ARHGDIB: variants seen among roughly 807,000 people sequenced by gnomAD.
ARHGDIB encodes the protein Rho GDP dissociation inhibitor beta.
In ARHGDIB, 20 loss-of-function variants were observed where a neutral mutation model predicts 22.6. The observed-to-expected ratio is 0.88, with a 90% CI of 0.62 to 1.28. ARHGDIB has a LOEUF of 1.28. Among genes scored for constraint, ARHGDIB ranks in the 50% most tolerant of loss-of-function variants. The probability of loss-of-function intolerance (pLI) is 0.00; values close to 1 mark genes in which losing one functional copy is unlikely to be tolerated. For missense variants in ARHGDIB, 254 were observed against 245.4 expected (o/e 1.04, Z -0.23); for synonymous variants, 114 against 96.1 (o/e 1.19, Z -1.09).
chr12:14,949,711 C>A, intron 3 of ARHGDIB, 91 bp downstream of exon 3: 1 of 1,123,610 alleles, frequency 8.9e-7, no homozygotes, highest in Non-Finnish European at 1.4e-6. Flanking sequence ...TCTGATTCAC[C>A]AGTTTTCTTC....
intron 1 of ARHGDIB, among the ~76,000 whole-genome samples, chr12:14,954,257 G>A (rs192598493): frequency 6.6e-6 from 1 of 152,320 alleles, no homozygotes; most frequent in African/African-American, 2.4e-5. Flanking sequence ...GGGATTACAG[G>A]TGCCTGGGCA....
intron 1 of ARHGDIB, among the ~76,000 whole-genome samples, chr12:14,952,748 G>A (rs1396172352): frequency 6.6e-6 from 1 of 152,194 alleles, no homozygotes; most frequent in Non-Finnish European, 1.5e-5. Context: ...TAACAAACCT[G>A]CTGACCGAGC....
In ARHGDIB at chr12:14,947,953, T is replaced by A; in HGVS notation, c.266-4A>T. On this transcript the variant is annotated splice_region_variant and splice_polypyrimidine_tract_variant and intron_variant, in intron 3 of 5. Transcript: ENST00000228945. Reference sequence around the variant, plus strand: ...TTTTTGAGGGCTTCCAGATCTCCTGTAGAAGAAGATTTAGAGAGAGTTTAT... The same window carrying A: ...TTTTTGAGGGCTTCCAGATCTCCTGAAGAAGAAGATTTAGAGAGAGTTTAT... The A allele has an allele frequency of 6.2e-7, 1 of 1,606,292 alleles. No homozygotes were observed. The highest frequency in any genetic ancestry group is 8.5e-7 in the Non-Finnish European group (1 of 1,172,822).
At chr12:14,950,745 C>G in intron 1 of ARHGDIB, 21 bp from the exon 2 acceptor site, 1 of 1,562,978 alleles carries the variant, frequency 6.4e-7, no homozygotes, top group South Asian at 1.2e-5. Flanking sequence ...GAATGACAGC[C>G]CGTTAGTCAA....
At position 14,942,471 on chromosome 12, in the gene ARHGDIB, G is replaced by A. The variant is rs912169682; in HGVS notation, c.*51C>T. The A allele has an allele frequency of 1.2e-5, 19 of 1,595,394 alleles. No homozygotes were observed. The highest frequency in any genetic ancestry group is 2.2e-5 in the East Asian group (1 of 44,780). Reference sequence around the variant, plus strand: ...GGAGGAGGGACAGGGTGCTGAACACGCCTGAGAGAATTCTTCCAGGTGGCA... The same window carrying A: ...GGAGGAGGGACAGGGTGCTGAACACACCTGAGAGAATTCTTCCAGGTGGCA... On this transcript the variant is annotated 3_prime_UTR_variant, in exon 6 of 6. Transcript: ENST00000228945.
chr12:14,942,228 G>A lies in ARHGDIB; in HGVS notation c.*294C>T, dbSNP rs921. On this transcript the variant is annotated 3_prime_UTR_variant, in exon 6 of 6. Coordinates refer to ENST00000228945, the MANE Select transcript of ARHGDIB (RefSeq NM_001175.7). ...TAATTTGCCCATTTTCTGGCCTCTA[G>A]TTGCTTGAATAGGGGTAAGACAGGG... The A allele has an allele frequency of 0.086, 30,500 of 355,098 alleles. 1,762 individuals are homozygous for A. The highest frequency in any genetic ancestry group is 0.12 in the Non-Finnish European group (22,242 of 187,642). 22.0% of individuals were successfully genotyped at this position (355,098 alleles called of 1,614,324 possible).
rs1191999132 is a variant in ARHGDIB, at chr12:14,945,970, T to G, written c.343-1131A>C. Reference sequence around the variant, plus strand: ...TGCACCTTTCTAGATGTCCCGAAGCTTATCCCTTTCACCTAGTGGGAGAAA... The same window carrying G: ...TGCACCTTTCTAGATGTCCCGAAGCGTATCCCTTTCACCTAGTGGGAGAAA... On this transcript the variant is annotated intron_variant, in intron 4 of 5. Transcript: ENST00000228945. Among the ~76,000 whole-genome samples the G allele has an allele frequency of 2.0e-5, 3 of 152,214 alleles. No homozygotes were observed. In the East Asian group the frequency reaches 5.8e-4, roughly 29 times the overall value.
intron 4 of ARHGDIB, among the ~76,000 whole-genome samples, chr12:14,946,585 G>A (rs1009798204): frequency 1.3e-5 from 2 of 152,140 alleles, no homozygotes; most frequent in Non-Finnish European, 2.9e-5. Context: ...GAATTAGAGA[G>A]TACTCAAAAG....
At chr12:14,959,487 T>G (rs951248384) in intron 1 of ARHGDIB, among the ~76,000 whole-genome samples, 2 of 152,158 alleles carry the variant, frequency 1.3e-5, no homozygotes, top group African/African-American at 4.8e-5. Flanking sequence ...GGAACAAAAT[T>G]TGAAAGTTTT....
chr12:14,949,858 G>T lies in ARHGDIB; in HGVS notation c.209C>A (p.Thr70Asn), dbSNP rs1233628264. 6.2e-7 allele frequency: 1 copy of T among 1,613,442 alleles called. No individual in the cohort carries two copies. The highest frequency in any genetic ancestry group is 8.5e-7 in the Non-Finnish European group (1 of 1,179,684). Residue 70 changes from threonine to asparagine, a missense_variant, in exon 3 of 6, where the codon ACC (threonine) becomes AAC (asparagine). Transcript: ENST00000228945. The part of the protein sequence containing the change: ...TDPKAPNVVV[T>N]RLTLVCESAP... ...ACTCTCACAAACCAGGGTGAGCCGG[G>T]TGACAACGACATTGGGGGCTTTCGG...
chr12:14,958,861 A>G (rs907896069), intron 1 of ARHGDIB, among the ~76,000 whole-genome samples: 1 of 152,240 alleles, frequency 6.6e-6, no homozygotes, highest in African/African-American at 2.4e-5. Context: ...CTTATTGCAC[A>G]GATAAATGTT....
chr12:14,949,660 A>G (rs1864119767), intron 3 of ARHGDIB, 142 bp downstream of exon 3: 2 of 726,530 alleles, frequency 2.8e-6, no homozygotes, highest in African/African-American at 1.8e-5. Flanking sequence ...TGTGCACTCT[A>G]AGAGCAATGA....
At chr12:14,944,877 G>C (rs1863974251) in intron 4 of ARHGDIB, 38 bp from the exon 5 acceptor site, 2 of 1,586,904 alleles carry the variant, frequency 1.3e-6, no homozygotes, top group Non-Finnish European at 1.7e-6. Context: ...CAGATTAAGA[G>C]GGTCTTTCAT....
chr12:14,944,593 C>T (rs987383038), intron 5 of ARHGDIB, among the ~76,000 whole-genome samples, 183 bp downstream of exon 5: 1 of 152,184 alleles, frequency 6.6e-6, no homozygotes, highest in African/African-American at 2.4e-5. Flanking sequence ...TAAACGAGGT[C>T]CCCTGAGCAT....
chr12:14,942,532 C>G lies in ARHGDIB; in HGVS notation c.596G>C (p.Trp199Ser). 6.2e-7 allele frequency: 1 copy of G among 1,614,104 alleles called. No individual in the cohort carries two copies. The highest frequency in any genetic ancestry group is 1.1e-5 in the South Asian group (1 of 91,076). The change falls in exon 6 of 6, where the codon TGG becomes TCG. Residue 199 changes from tryptophan (W) to serine (S), a missense_variant. Physicochemically the swap from Trp to Ser is radical, Grantham distance 177. Transcript: ENST00000228945. ...AAGGGGTGGATGCATTCATTCTGTC[C>G]ACTCCTTCTTAATCGACAGGTTCCA... ...WEWNLSIKKE[W>S]TE
chr12:14,958,279 GTGCTGCTT>G (rs796153861), intron 1 of ARHGDIB, among the ~76,000 whole-genome samples: 30 of 152,266 alleles, frequency 2.0e-4, no homozygotes, highest in African/African-American at 6.0e-4. Context: ...CCACTTTGCG[GTGCTGCTT>G]TCTACCACCT....
At position 14,947,809 on chromosome 12, in the gene ARHGDIB, A is replaced by G. The variant is rs1864056311; in HGVS notation, c.342+64T>C. ...AGTACCTCAACATGATCATGCAAGA[A>G]ATGTAGTCACTGATTAAAGAAAAGA... On this transcript the variant is annotated intron_variant, in intron 4 of 5. Transcript: ENST00000228945. The G allele has an allele frequency of 3.0e-6, 4 of 1,331,114 alleles. No homozygotes were observed. In the African/African-American group the frequency reaches 5.8e-5, roughly 19 times the overall value. The allele number at this position is 1,331,114 out of a possible 1,614,324, so 82.5% of individuals were successfully genotyped here.
At chr12:14,949,515 C>T (rs1006106017) in intron 3 of ARHGDIB, among the ~76,000 whole-genome samples, 2 of 152,136 alleles carry the variant, frequency 1.3e-5, no homozygotes, top group African/African-American at 4.8e-5. Flanking sequence ...CATCAGCAGT[C>T]TTTATTGCAT....
intron 1 of ARHGDIB, among the ~76,000 whole-genome samples, chr12:14,954,706 T>C (rs1187000237): frequency 6.6e-6 from 1 of 152,224 alleles, no homozygotes; most frequent in African/African-American, 2.4e-5. Context: ...CCTGCAGTCA[T>C]GGGTCAGCTA....
Sources: gnomAD v4.1 joint callset for allele counts (sites outside exome capture counted in the v4.1 genomes callset) on GRCh38, gnomAD v4.1.1 for gene constraint, MANE v1.5 for transcripts, NCBI Gene and HGNC (gene_info 2026-07-23, HGNC 2026-07-21) for gene names.